The following XCR1 variants were observed in gnomAD, a reference collection of about 807,000 sequenced individuals.
XCR1 encodes the protein chemokine XC receptor 1.
For missense variants in XCR1, 356 were observed against 424.2 expected, an observed-to-expected ratio of 0.84 and a Z score of 1.41; for synonymous variants, 187 against 188.5, an observed-to-expected ratio of 0.99 and a Z score of 0.06.
chr3:46,042,666 T>C (rs1303942395), intron 5 of XCR1, among the ~76,000 whole-genome samples: 1 of 152,186 alleles, frequency 6.6e-6, no homozygotes, highest in African/African-American at 2.4e-5. Flanking sequence ...AGAAAAGATA[T>C]TGAATCAGTA....
intron 1 of XCR1, among the ~76,000 whole-genome samples, chr3:46,081,513 G>T (rs1390407456): frequency 6.6e-6 from 1 of 152,208 alleles, no homozygotes; most frequent in East Asian, 1.9e-4. Context: ...TCTGCAGAGA[G>T]CTCTGGGGAG....
rs922215583 is a variant in XCR1, at chr3:46,085,793, C to G, written c.-515+1G>C. 8.5e-5 allele frequency among the ~76,000 whole-genome samples: 13 copies of G among 152,230 alleles called. No homozygotes were observed. The highest frequency in any genetic ancestry group is 2.7e-4 in the African/African-American group (11 of 41,458). On this transcript the variant is annotated splice_donor_variant, in intron 1 of 5. Transcript: ENST00000683768. LOFTEE classifies it low-confidence loss of function (5UTR_SPLICE). ...TCAACCTTGGTGTAGGGCCTCCTTA[C>G]TTGGTGTAGTCCTTGGTGTGACAGC...
chr3:46,022,759 T>A (rs2125893224), intron 1 of XCR1, among the ~76,000 whole-genome samples: 1 of 149,804 alleles, frequency 6.7e-6, no homozygotes, highest in South Asian at 2.2e-4. Context: ...TGAAACAAAA[T>A]CCAGAGTCTA....
intron 1 of XCR1, among the ~76,000 whole-genome samples, chr3:46,026,113 T>C (rs965404918): frequency 6.6e-6 from 1 of 152,186 alleles, no homozygotes; most frequent in Non-Finnish European, 1.5e-5. Flanking sequence ...TTGACAAAGC[T>C]CAACACCCTT....
At chr3:46,036,349 T>C (rs1697431100) in intron 5 of XCR1, among the ~76,000 whole-genome samples, 1 of 152,352 alleles carries the variant, frequency 6.6e-6, no homozygotes, top group East Asian at 1.9e-4. Flanking sequence ...ACACCCTATG[T>C]TGGATTACAT....
intron 1 of XCR1, among the ~76,000 whole-genome samples, chr3:46,081,600 G>A (rs1317499649): frequency 1.3e-5 from 2 of 152,076 alleles, no homozygotes; most frequent in East Asian, 3.8e-4. Context: ...TCTAATATTT[G>A]ACAGACCAGT....
chr3:46,030,765 C>T (rs532788077), upstream of XCR1, among the ~76,000 whole-genome samples: 339 of 152,244 alleles, frequency 2.2e-3, no homozygotes, highest in Admixed American at 6.1e-3. Flanking sequence ...GCCCTGCATC[C>T]CCATGCCCTG....
At chr3:46,073,780 C>T (rs143687985) in intron 3 of XCR1, among the ~76,000 whole-genome samples, 8 of 151,898 alleles carry the variant, frequency 5.3e-5, no homozygotes, top group Non-Finnish European at 1.0e-4. Flanking sequence ...CATGAATAGA[C>T]ATTTTAAAAG....
At chr3:46,047,680 G>A (rs143857135) in intron 5 of XCR1, among the ~76,000 whole-genome samples, 137 of 152,314 alleles carry the variant, frequency 9.0e-4, no homozygotes, top group African/African-American at 3.0e-3. Context: ...TGCCACTGAG[G>A]AAGAGGTGGG....
chr3:46,065,664 C>T (rs74977416), intron 4 of XCR1, among the ~76,000 whole-genome samples: 3,052 of 152,286 alleles, frequency 0.02, 49 homozygotes, highest in Middle Eastern at 0.085. Flanking sequence ...CCCCGGGCTA[C>T]ACCAAGCTCC....
rs1269895830 is a variant in XCR1 at position 46,020,325 on chromosome 3, G to A, written c.*621C>T. ...ATATTTATGAGCTAAATTTTTAAGGGCCAGTTCGTGGGCTAGGACTTGAAT... is the reference window on the plus strand; with the variant it reads ...ATATTTATGAGCTAAATTTTTAAGGACCAGTTCGTGGGCTAGGACTTGAAT... On this transcript the variant is annotated 3_prime_UTR_variant, in exon 2 of 2. Transcript: ENST00000309285. 2 of 152,352 alleles carry A rather than the reference G, an allele frequency of 1.3e-5. No individual in the cohort carries two copies. Among genetic ancestry groups the A allele is most frequent in the African/African-American group, 4.8e-5 (2 of 41,444 alleles). 9.4% of individuals were successfully genotyped at this position (152,352 alleles called of 1,614,324 possible). A position where few individuals can be genotyped will look rare whatever the true frequency, so the allele number is the denominator to read the frequency against.
At chr3:46,065,310 C>A (rs1168294162) in intron 4 of XCR1, among the ~76,000 whole-genome samples, 1 of 152,160 alleles carries the variant, frequency 6.6e-6, no homozygotes, top group Non-Finnish European at 1.5e-5. Context: ...ACCCATCCCG[C>A]ACTTTCAGGC....
At chr3:46,025,587 T>C (rs771988059) in intron 1 of XCR1, among the ~76,000 whole-genome samples, 32 of 152,328 alleles carry the variant, frequency 2.1e-4, no homozygotes, top group Non-Finnish European at 4.4e-4. Flanking sequence ...AATGGATGAA[T>C]TTCTTTTAAC....
chr3:46,029,825 G>A (rs1214955719), upstream of XCR1, among the ~76,000 whole-genome samples: 2 of 144,378 alleles, frequency 1.4e-5, no homozygotes, highest in African/African-American at 2.8e-5. Context: ...ATTTACATAT[G>A]TCTTCTTTAG....
chr3:46,024,987 GATA>G lies in XCR1; in HGVS notation c.-32+2427_-32+2429del, dbSNP rs547408369. Reference sequence around the variant, plus strand: ...GGCAAAGTATAAAATATTTTGCATTGATAATAATGAAAATACCACATATCAGAA... The same window carrying G: ...GGCAAAGTATAAAATATTTTGCATTGATAATGAAAATACCACATATCAGAA... On this transcript the variant is annotated intron_variant, in intron 1 of 1. Coordinates refer to ENST00000309285, the MANE Select transcript of XCR1 (RefSeq NM_001024644.2). 1.2e-3 allele frequency among the ~76,000 whole-genome samples: 184 copies of G among 152,204 alleles called. 3 individuals are homozygous for G. Among genetic ancestry groups the G allele is most frequent in the Admixed American group, 0.012 (182 of 15,294 alleles).
intron 3 of XCR1, among the ~76,000 whole-genome samples, chr3:46,073,241 A>T (rs1169260270): frequency 6.6e-6 from 1 of 152,220 alleles, no homozygotes; most frequent in African/African-American, 2.4e-5. Flanking sequence ...AAAAGTACAT[A>T]TGACAAAGAC....
chr3:46,021,040 C>G lies in XCR1; in HGVS notation c.908G>C (p.Arg303Pro). ...CTGCAGCCGGCAGAACCAGAACTGCCGGAGAACATGTTTCAGGTGTGTGCG... is the reference window on the plus strand; with the variant it reads ...CTGCAGCCGGCAGAACCAGAACTGCGGGAGAACATGTTTCAGGTGTGTGCG... ...KFRTHLKHVL[R>P]QFWFCRLQAP... The change falls in exon 2 of 2, where the codon CGG becomes CCG. Residue 303 changes from arginine (R) to proline (P), a missense_variant. Physicochemically the swap from Arg to Pro is moderately radical, Grantham distance 103. Coordinates refer to ENST00000309285, the MANE Select transcript of XCR1 (RefSeq NM_001024644.2). This position sits in a 1 kb window ranked among gnomAD's most constrained non-coding sequence, Gnocchi z 4.7. 1.2e-6 allele frequency: 2 copies of G among 1,613,994 alleles called. No individual in the cohort carries two copies. The highest frequency in any genetic ancestry group is 1.7e-6 in the Non-Finnish European group (2 of 1,179,934).
intron 1 of XCR1, chr3:46,024,108 C>T: frequency 5.3e-6 from 4 of 748,610 alleles, no homozygotes; most frequent in Non-Finnish European, 9.5e-6. Context: ...CAGAACTTCC[C>T]CTTATGGATC....
At chr3:46,022,053 C>T in intron 1 of XCR1, 75 bp from the exon 2 acceptor site, 1 of 1,344,386 alleles carries the variant, frequency 7.4e-7, no homozygotes, top group South Asian at 1.5e-5. Context: ...AATCCTAGCA[C>T]TTTGGAAAGG....
Sources: gnomAD v4.1 joint callset for allele counts (sites outside exome capture counted in the v4.1 genomes callset) on GRCh38, gnomAD v4.1.1 for gene constraint, Gnocchi (gnomAD v3.1) non-coding constraint, MANE v1.5 for transcripts, NCBI Gene and HGNC (gene_info 2026-07-23, HGNC 2026-07-21) for gene names.